MAOA: variants seen among roughly 807,000 people sequenced by gnomAD.
The protein encoded by MAOA is amine oxidase [flavin-containing] A.
Under a neutral mutation model 42.0 loss-of-function variants are expected in MAOA, and 6 were observed. That is an observed-to-expected ratio of 0.14 (90% CI 0.08 to 0.28). The LOEUF (loss-of-function observed/expected upper bound fraction) is 0.28. Among genes scored for constraint, MAOA ranks in the 10% least tolerant of loss-of-function variants. MAOA has a pLI of 1.00. For missense variants in MAOA, 262 were observed against 422.3 expected, an observed-to-expected ratio of 0.62 and a Z score of 3.33; for synonymous variants, 140 against 154.0, an observed-to-expected ratio of 0.91 and a Z score of 0.67.
At position 43,742,027 on chromosome X, in the gene MAOA, G is replaced by C; in HGVS notation, c.1242G>C (p.Gly414=). Residue 414 remains glycine (G), a synonymous_variant, in exon 12 of 15, where the codon GGG becomes GGC. Transcript: ENST00000338702. Reference sequence around the variant, plus strand: ...GCTACACGGCCTACTTCCCTCCTGGGATCATGACTCAATATGGAAGGTATT... The same window carrying C: ...GCTACACGGCCTACTTCCCTCCTGGCATCATGACTCAATATGGAAGGTATT... ...GGCYTAYFPP[G]IMTQYGRVIR... is the part of the protein sequence containing the mutation. The C allele has an allele frequency of 1.7e-6, 2 of 1,211,445 alleles. No individual in the cohort carries two copies. The highest frequency in any genetic ancestry group is 2.2e-6 in the Non-Finnish European group (2 of 895,474).
At chrX:43,712,570 A>G in intron 4 of MAOA, 135 bp from the exon 5 acceptor site, 1 of 511,234 alleles carries the variant, frequency 2.0e-6, no homozygotes, top group South Asian at 2.6e-5. Context: ...CCCTGTCTCT[A>G]TATAGAATTC....
At chrX:43,692,852 G>C (rs1228285381) in intron 2 of MAOA, among the ~76,000 whole-genome samples, 1 of 111,596 alleles carries the variant, frequency 9.0e-6, no homozygotes, top group Non-Finnish European at 1.9e-5. Flanking sequence ...TTCTTTCCTG[G>C]AAGTGTTTTA....
chrX:43,716,047 G>C (rs1197461111), intron 5 of MAOA, among the ~76,000 whole-genome samples: 1 of 110,342 alleles, frequency 9.1e-6, no homozygotes, highest in African/African-American at 3.3e-5. Context: ...GACCTGAAGG[G>C]TAAAGGTTGT....
chrX:43,681,880 ATT>A (rs768785097), intron 1 of MAOA, among the ~76,000 whole-genome samples: 20 of 87,553 alleles, frequency 2.3e-4, no homozygotes, highest in Middle Eastern at 6.7e-3. Flanking sequence ...ATATATATAT[ATT>A]TTTTTTTTTT....
intron 12 of MAOA, among the ~76,000 whole-genome samples, chrX:43,743,272 GT>G (rs1162764358): frequency 9.0e-6 from 1 of 111,297 alleles, no homozygotes; most frequent in African/African-American, 3.3e-5. Context: ...TACAGAGGTT[GT>G]TTTCTTAAAG....
intron 1 of MAOA, among the ~76,000 whole-genome samples, chrX:43,672,348 G>T (rs1270299072): frequency 1.8e-5 from 2 of 110,844 alleles, no homozygotes; most frequent in African/African-American, 6.6e-5. Flanking sequence ...TTTGGGCTGA[G>T]ACAATGGGGT....
intron 5 of MAOA, among the ~76,000 whole-genome samples, chrX:43,714,201 T>C (rs1277013681): frequency 9.1e-6 from 1 of 109,700 alleles, no homozygotes; most frequent in African/African-American, 3.3e-5. Context: ...GAAAGATGGG[T>C]GGTGTTTTAG....
intron 6 of MAOA, among the ~76,000 whole-genome samples, 153 bp downstream of exon 6, chrX:43,728,467 TCTC>T (rs780283677): frequency 1.8e-5 from 2 of 112,639 alleles, no homozygotes; most frequent in Non-Finnish European, 3.7e-5. Flanking sequence ...AAAAAAAATT[TCTC>T]ATTTCCTTTT....
At chrX:43,720,168 G>T (rs1234036630) in intron 5 of MAOA, among the ~76,000 whole-genome samples, 1 of 110,407 alleles carries the variant, frequency 9.1e-6, no homozygotes, top group Middle Eastern at 4.2e-3. Flanking sequence ...TTCCAGGAAT[G>T]AACCACACAG....
intron 5 of MAOA, among the ~76,000 whole-genome samples, chrX:43,715,336 A>T (rs1476418355): frequency 9.1e-6 from 1 of 110,317 alleles, no homozygotes; most frequent in Non-Finnish European, 1.9e-5. Context: ...GCGCAGAGAG[A>T]GGAAACATGA....
chrX:43,736,141 A>G, intron 9 of MAOA, 86 bp from the exon 10 acceptor site: 1 of 654,185 alleles, frequency 1.5e-6, no homozygotes, highest in East Asian at 3.8e-5. Context: ...CTGAATAGCT[A>G]CAGGTTAAGA....
chrX:43,742,241 GA>G (rs1467341321), intron 12 of MAOA, among the ~76,000 whole-genome samples, 194 bp downstream of exon 12: 1 of 112,753 alleles, frequency 8.9e-6, no homozygotes, highest in Non-Finnish European at 1.9e-5. Context: ...TCAGCATACA[GA>G]ACAATAGCAG....
At chrX:43,721,607 A>C (rs1445613081) in intron 5 of MAOA, among the ~76,000 whole-genome samples, 1 of 110,469 alleles carries the variant, frequency 9.1e-6, no homozygotes, top group Non-Finnish European at 1.9e-5. Flanking sequence ...GAAGATGGAG[A>C]GGAGAAGATG....
chrX:43,694,557 G>A (rs2033562055), intron 3 of MAOA, among the ~76,000 whole-genome samples: 1 of 111,878 alleles, frequency 8.9e-6, no homozygotes, highest in African/African-American at 3.3e-5. Context: ...GAGGTCAAGG[G>A]AGGAATGAAG....
chrX:43,679,408 A>G (rs1387284061), intron 1 of MAOA, among the ~76,000 whole-genome samples: 1 of 109,271 alleles, frequency 9.2e-6, no homozygotes, highest in Non-Finnish European at 1.9e-5. Context: ...GGGTGTGAGA[A>G]GGAAAATCCT....
chrX:43,680,641 T>G (rs1482632920), intron 1 of MAOA, among the ~76,000 whole-genome samples: 1 of 111,050 alleles, frequency 9.0e-6, no homozygotes, highest in South Asian at 3.8e-4. Context: ...CAGATAACAT[T>G]TGTCTCATCT....
Position 43,683,598 on chromosome X carries a change from T to C in MAOA, c.159T>C (p.Tyr53=), listed in dbSNP as rs780201424. ...GGGACAGGGTTGGAGGAAGAACATA[T>C]ACTATAAGGGTAAGTGATTTTAATA... ...EARDRVGGRT[Y]TIRNEHVDYV... Residue 53 remains tyrosine, a synonymous_variant, in exon 2 of 15, where the codon TAT becomes TAC. Coordinates refer to ENST00000338702, the MANE Select transcript of MAOA (RefSeq NM_000240.4). 3 of 1,189,309 alleles carry C rather than the reference T, an allele frequency of 2.5e-6. No homozygotes were observed. In the East Asian group the frequency reaches 8.9e-5, roughly 35 times the overall value.
At chrX:43,737,647 A>G in intron 10 of MAOA, among the ~76,000 whole-genome samples, 1 of 111,767 alleles carries the variant, frequency 8.9e-6, no homozygotes, top group African/African-American at 3.3e-5. Flanking sequence ...TTATAAGGGC[A>G]CTAATCTATT....
chrX:43,656,460 G>A, intron 1 of MAOA, 46 bp downstream of exon 1: 1 of 1,092,697 alleles, frequency 9.2e-7, no homozygotes, highest in Non-Finnish European at 1.3e-6. Flanking sequence ...TGGCCAGTGA[G>A]GGGTAGGGGA....
Sources: allele counts gnomAD v4.1 joint callset (sites outside exome capture counted in the v4.1 genomes callset), GRCh38; gene constraint gnomAD v4.1.1; transcripts MANE v1.5; gene names NCBI Gene and HGNC (gene_info 2026-07-23, HGNC 2026-07-21).